The following MALRD1 variants were observed in gnomAD, a reference collection of about 807,000 sequenced individuals.
MALRD1 encodes MAM and LDL receptor class A domain containing 1, also known as MAM and LDL-receptor class A domain-containing protein 1.
MALRD1 carries 247 observed loss-of-function variants against 242.1 expected under a neutral mutation model. That is an observed-to-expected ratio of 1.02 (90% CI 0.92 to 1.13). The LOEUF is 1.13. Ranked by LOEUF, MALRD1 falls within the 50% of genes most tolerant of loss-of-function variation. The pLI, the probability that MALRD1 is intolerant of heterozygous loss-of-function variation, is 0.00. For missense variants in MALRD1, 2,989 were observed against 2,533.1 expected (o/e 1.18, Z -3.86); for synonymous variants, 995 against 866.6 (o/e 1.15, Z -2.60).
intron 31 of MALRD1, among the ~76,000 whole-genome samples, chr10:19,526,645 T>C (rs1834112294): frequency 6.6e-6 from 1 of 152,124 alleles, no homozygotes; most frequent in Middle Eastern, 3.2e-3. Flanking sequence ...TAAGTGGCGA[T>C]ATACTTTGAT....
At chr10:19,108,387 CTTTTTTTTTTTT>C (rs35948766) in intron 5 of MALRD1, among the ~76,000 whole-genome samples, 6 of 19,764 alleles carry the variant, frequency 3.0e-4, no homozygotes, top group East Asian at 1.4e-3. Context: ...ATTGTTTTTT[CTTTTTTTTTTTT>C]TTTTTTTTTT....
At position 19,238,458 on chromosome 10, in the gene MALRD1, T is replaced by A. The variant is rs1456525635; in HGVS notation, c.2992-19226T>A. 4.5e-5 allele frequency among the ~76,000 whole-genome samples: 2 copies of A among 44,708 alleles called. 1 individual carries two copies. The highest frequency in any genetic ancestry group is 2.6e-4 in the African/African-American group (2 of 7,656). 29.3% of individuals were successfully genotyped at this position (44,708 alleles called of 152,430 possible). ...AATATATAATATACATTATATATAA[T>A]ATATAATATAATATATAATATACAT... On this transcript the variant is annotated intron_variant, in intron 18 of 39. Transcript: ENST00000454679.
chr10:19,067,382 T>C (rs1835012325), intron 2 of MALRD1, among the ~76,000 whole-genome samples: 1 of 152,128 alleles, frequency 6.6e-6, no homozygotes, highest in Non-Finnish European at 1.5e-5. Context: ...CAACATTGCG[T>C]ACCGGGTGTT....
At chr10:19,360,261 C>G (rs1242360456) in intron 26 of MALRD1, among the ~76,000 whole-genome samples, 1 of 152,026 alleles carries the variant, frequency 6.6e-6, no homozygotes, top group African/African-American at 2.4e-5. Flanking sequence ...AACTTCATAT[C>G]TCTGAATGGC....
Position 19,687,916 on chromosome 10 carries a change from ATGTTATGTT to A in MALRD1, c.6138-4365_6138-4357del, listed in dbSNP as rs1291266071. The stretch of plus-strand genomic sequence containing the variant: ...TATTATTATTTATTTTTTTAATGTT[ATGTTATGTT>A]ATGTTATGTTATGTTATGTTATGTT... On this transcript the variant is annotated intron_variant, in intron 36 of 39. Transcript: ENST00000454679. 1.2e-3 allele frequency among the ~76,000 whole-genome samples: 9 copies of A among 7,294 alleles called. No individual in the cohort carries two copies. In the African/African-American group the frequency reaches 0.016, roughly 13 times the overall value. 4.8% of individuals were successfully genotyped at this position (7,294 alleles called of 152,430 possible).
At chr10:19,249,689 T>G (rs192064561) in intron 18 of MALRD1, among the ~76,000 whole-genome samples, 1 of 151,964 alleles carries the variant, frequency 6.6e-6, no homozygotes, top group East Asian at 1.9e-4. Context: ...TTTGTAAAAA[T>G]AAAAAGAAAA....
chr10:19,195,570 C>T (rs753842202), intron 14 of MALRD1, among the ~76,000 whole-genome samples: 3 of 152,294 alleles, frequency 2.0e-5, no homozygotes, highest in Middle Eastern at 6.8e-3. Context: ...TTCATACCCA[C>T]CTGCAAGCTT....
intron 29 of MALRD1, among the ~76,000 whole-genome samples, chr10:19,487,237 T>C (rs7093001): frequency 0.35 from 53,467 of 151,890 alleles, 9,498 homozygotes; most frequent in East Asian, 0.46. Context: ...GCCTTTATCA[T>C]TACCATTTTG....
At chr10:19,098,771 T>C (rs1437406897) in intron 4 of MALRD1, among the ~76,000 whole-genome samples, 1 of 152,090 alleles carries the variant, frequency 6.6e-6, no homozygotes, top group Non-Finnish European at 1.5e-5. Flanking sequence ...AGGTTAAGAA[T>C]GGAGGTTTAA....
chr10:19,160,940 G>T (rs978985426), intron 12 of MALRD1, among the ~76,000 whole-genome samples: 2 of 149,798 alleles, frequency 1.3e-5, no homozygotes, highest in East Asian at 3.9e-4. Flanking sequence ...TTTTTTGAAG[G>T]GTTTTTTGTG....
intron 33 of MALRD1, among the ~76,000 whole-genome samples, chr10:19,585,852 T>A (rs1837364857): frequency 6.6e-6 from 1 of 152,208 alleles, no homozygotes; most frequent in South Asian, 2.1e-4. Flanking sequence ...CCCTGTCACT[T>A]TCAGGTACAC....
chr10:19,284,134 T>C (rs965735356), intron 21 of MALRD1, among the ~76,000 whole-genome samples: 2 of 152,226 alleles, frequency 1.3e-5, no homozygotes, highest in African/African-American at 4.8e-5. Context: ...ATAACAAATG[T>C]AATATTTTTC....
At chr10:19,651,367 C>T (rs1840880330) in intron 36 of MALRD1, among the ~76,000 whole-genome samples, 1 of 152,032 alleles carries the variant, frequency 6.6e-6, no homozygotes, top group Non-Finnish European at 1.5e-5. Flanking sequence ...ATTGTTTCAT[C>T]CCTCAACTAT....
At chr10:19,076,151 C>T (rs962670465) in intron 2 of MALRD1, among the ~76,000 whole-genome samples, 2 of 151,842 alleles carry the variant, frequency 1.3e-5, no homozygotes, top group East Asian at 1.9e-4. Context: ...CATTGCTTCC[C>T]TTTAGATCAT....
At chr10:19,478,568 T>A (rs1401516201) in intron 29 of MALRD1, among the ~76,000 whole-genome samples, 1 of 152,100 alleles carries the variant, frequency 6.6e-6, no homozygotes, top group Non-Finnish European at 1.5e-5. Context: ...AGGATTACAG[T>A]TTCCTAGTCT....
At chr10:19,722,590 TAAAAAAAAAAAAAAAAAAA>T (rs372286640) in intron 38 of MALRD1, 1 of 45,366 alleles carries the variant, frequency 2.2e-5, no homozygotes, top group Admixed American at 3.1e-4. Context: ...ACCATGTCTC[TAAAAAAAAAAAAAAAAAAA>T]AAAAAAAAAA....
intron 18 of MALRD1, among the ~76,000 whole-genome samples, chr10:19,234,186 A>C (rs1376789405): frequency 3.3e-5 from 5 of 151,984 alleles, no homozygotes; most frequent in Non-Finnish European, 7.4e-5. Flanking sequence ...AAGAAAAATA[A>C]AATAATCTAT....
At chr10:19,591,622 C>T (rs1837791893) in intron 33 of MALRD1, among the ~76,000 whole-genome samples, 1 of 151,270 alleles carries the variant, frequency 6.6e-6, no homozygotes, top group South Asian at 2.1e-4. Context: ...CCTTAGCCTA[C>T]TGAGTTGCTG....
At chr10:19,670,730 A>G (rs1157978847) in intron 36 of MALRD1, among the ~76,000 whole-genome samples, 1 of 152,168 alleles carries the variant, frequency 6.6e-6, no homozygotes, top group African/African-American at 2.4e-5. Flanking sequence ...TTCTCAACAC[A>G]TACACACACT....
Sources: allele counts gnomAD v4.1 joint callset (sites outside exome capture counted in the v4.1 genomes callset), GRCh38; gene constraint gnomAD v4.1.1; transcripts MANE v1.5; gene names NCBI Gene and HGNC (gene_info 2026-07-23, HGNC 2026-07-21).